The following CDKAL1 variants were observed in gnomAD, a reference collection of about 807,000 sequenced individuals.
The protein encoded by CDKAL1 is threonylcarbamoyladenosine tRNA methylthiotransferase.
A neutral mutation model predicts 68.2 loss-of-function variants in CDKAL1; 32 were observed. That is an observed-to-expected ratio of 0.47 (90% CI 0.35 to 0.63). The LOEUF is 0.63. Ranked by LOEUF, CDKAL1 falls within the 30% of genes least tolerant of loss-of-function variation. CDKAL1 has a pLI of 0.00. For missense variants in CDKAL1, 606 were observed against 696.7 expected (o/e 0.87, Z 1.47); for synonymous variants, 234 against 244.3 (o/e 0.96, Z 0.39).
chr6:21,062,085 G>A (rs919865500), intron 11 of CDKAL1, among the ~76,000 whole-genome samples: 2 of 152,188 alleles, frequency 1.3e-5, no homozygotes, highest in African/African-American at 4.8e-5. Flanking sequence ...AGCAGGTGTT[G>A]CATAACAGTG....
At chr6:20,796,822 A>G (rs1160549998) in intron 8 of CDKAL1, among the ~76,000 whole-genome samples, 4 of 152,262 alleles carry the variant, frequency 2.6e-5, no homozygotes, top group African/African-American at 9.6e-5. Context: ...TGTTAAATGT[A>G]TATGAAAGTT....
chr6:20,936,827 C>G (rs1349941505), intron 9 of CDKAL1, among the ~76,000 whole-genome samples: 1 of 152,078 alleles, frequency 6.6e-6, no homozygotes, highest in African/African-American at 2.4e-5. Flanking sequence ...ACTTTGACTC[C>G]GTGCTGAGGA....
chr6:21,047,965 A>G (rs1167834946), intron 11 of CDKAL1, among the ~76,000 whole-genome samples: 2 of 152,164 alleles, frequency 1.3e-5, no homozygotes, highest in South Asian at 2.1e-4. Flanking sequence ...AATCATATCA[A>G]TCGGAATTGG....
chr6:21,147,915 A>G (rs1776255376), intron 13 of CDKAL1, among the ~76,000 whole-genome samples: 1 of 152,296 alleles, frequency 6.6e-6, no homozygotes, highest in Non-Finnish European at 1.5e-5. Context: ...CATTTGTGGC[A>G]GTCTAGAAAG....
At chr6:20,702,237 G>T (rs895964977) in intron 5 of CDKAL1, among the ~76,000 whole-genome samples, 3 of 152,296 alleles carry the variant, frequency 2.0e-5, no homozygotes, top group Admixed American at 6.5e-5. Context: ...CGGGCAGGTC[G>T]TGGGGCTCTG....
At chr6:20,655,988 T>G (rs180741145) in intron 5 of CDKAL1, among the ~76,000 whole-genome samples, 23 of 152,312 alleles carry the variant, frequency 1.5e-4, no homozygotes, top group Admixed American at 3.3e-4. Context: ...TTAGATGAAT[T>G]AGATATTATC....
chr6:20,925,785 T>A (rs1763157836), intron 9 of CDKAL1, among the ~76,000 whole-genome samples: 1 of 152,096 alleles, frequency 6.6e-6, no homozygotes, highest in Non-Finnish European at 1.5e-5. Flanking sequence ...AGTCAAAATA[T>A]CAAGCCAAAG....
intron 4 of CDKAL1, among the ~76,000 whole-genome samples, chr6:20,614,940 C>T (rs1441037367): frequency 8.0e-6 from 1 of 124,820 alleles, no homozygotes; most frequent in Non-Finnish European, 1.6e-5. Context: ...TCCCCCCACC[C>T]CACCACAGTC....
chr6:20,945,166 A>G (rs1364937798), intron 9 of CDKAL1, among the ~76,000 whole-genome samples: 1 of 152,154 alleles, frequency 6.6e-6, no homozygotes, highest in Non-Finnish European at 1.5e-5. Flanking sequence ...ACATAAGGCT[A>G]TTTTAACTAA....
chr6:20,768,752 G>A (rs953922504), intron 7 of CDKAL1, among the ~76,000 whole-genome samples: 1 of 152,102 alleles, frequency 6.6e-6, no homozygotes, highest in Non-Finnish European at 1.5e-5. Flanking sequence ...GACTTTGAGA[G>A]AGGTAGTTTT....
chr6:21,112,881 T>G (rs985638712), intron 13 of CDKAL1, among the ~76,000 whole-genome samples: 2 of 152,204 alleles, frequency 1.3e-5, no homozygotes, highest in African/African-American at 4.8e-5. Flanking sequence ...CTCACCCACC[T>G]CATTACTTCT....
rs2876573 is a variant in CDKAL1 at position 20,568,141 on chromosome 6, C to T, written c.286+19436C>T. ...ATCCGCCTGCCTCTGCCTCCCAAAG[C>T]GCTGGGATTACAGGCGTGAGCCACC... On this transcript the variant is annotated intron_variant, in intron 4 of 15. Transcript: ENST00000274695. Among the ~76,000 whole-genome samples, 842 of 151,862 alleles carry T rather than the reference C, an allele frequency of 5.5e-3. 9 individuals carry two copies. The highest frequency in any genetic ancestry group is 0.019 in the African/African-American group (794 of 41,456).
At chr6:20,943,328 C>CAAAAAAAAAAAAAAAAA (rs34759060) in intron 9 of CDKAL1, among the ~76,000 whole-genome samples, 3 of 51,016 alleles carry the variant, frequency 5.9e-5, no homozygotes, top group Non-Finnish European at 1.1e-4. Flanking sequence ...CTTGTTTTTT[C>CAAAAAAAAAAAAAAAAA]AAAAAAAAAA....
chr6:21,071,142 G>A (rs992844022), intron 12 of CDKAL1, among the ~76,000 whole-genome samples: 5 of 152,022 alleles, frequency 3.3e-5, no homozygotes, highest in African/African-American at 1.2e-4. Flanking sequence ...TTCCTTTATA[G>A]TTTTTAAACA....
At chr6:21,011,064 A>G (rs919509785) in intron 11 of CDKAL1, among the ~76,000 whole-genome samples, 42 of 143,726 alleles carry the variant, frequency 2.9e-4, no homozygotes, top group Non-Finnish European at 5.3e-4. Flanking sequence ...CCTGGGTGAC[A>G]GAGTGAGTCT....
chr6:21,060,189 G>A (rs1317408800), intron 11 of CDKAL1, among the ~76,000 whole-genome samples: 1 of 152,086 alleles, frequency 6.6e-6, no homozygotes, highest in African/African-American at 2.4e-5. Context: ...GTGTTGTTTT[G>A]TTTGGGTGGC....
chr6:21,136,787 T>C (rs1227430154), intron 13 of CDKAL1, among the ~76,000 whole-genome samples: 1 of 152,228 alleles, frequency 6.6e-6, no homozygotes, highest in Non-Finnish European at 1.5e-5. Context: ...CCTTAAATTG[T>C]AACCAAGAAA....
At chr6:20,832,126 C>G (rs1171253495) in intron 8 of CDKAL1, among the ~76,000 whole-genome samples, 1 of 152,150 alleles carries the variant, frequency 6.6e-6, no homozygotes, top group East Asian at 1.9e-4. Flanking sequence ...GAAGATTTCT[C>G]AAATTTACTT....
intron 9 of CDKAL1, among the ~76,000 whole-genome samples, chr6:20,886,123 A>G (rs1761056847): frequency 6.6e-6 from 1 of 152,216 alleles, no homozygotes; most frequent in Admixed American, 6.5e-5. Flanking sequence ...ATTTTTCAAA[A>G]GAAGATAAGC....
Sources: gnomAD v4.1 joint callset for allele counts (sites outside exome capture counted in the v4.1 genomes callset) on GRCh38, gnomAD v4.1.1 for gene constraint, MANE v1.5 for transcripts, NCBI Gene and HGNC (gene_info 2026-07-23, HGNC 2026-07-21) for gene names.